The following PXDNL variants were observed in gnomAD, a reference collection of about 807,000 sequenced individuals.
PXDNL encodes peroxidasin like.
PXDNL carries 145 observed loss-of-function variants against 150.8 expected under a neutral mutation model. The observed-to-expected ratio is 0.96, with a 90% CI of 0.84 to 1.10. The LOEUF (loss-of-function observed/expected upper bound fraction) is 1.10. PXDNL is among the 50% of genes least tolerant of loss of function. The pLI, the probability that PXDNL is intolerant of heterozygous loss-of-function variation, is 0.00. For synonymous variants in PXDNL, 757 were observed against 725.7 expected, an observed-to-expected ratio of 1.04 and a Z score of -0.69; for missense variants, 2,087 against 1,873.9, an observed-to-expected ratio of 1.11 and a Z score of -2.10.
rs947949807 is a variant in PXDNL, at chr8:51,695,068, A to G, written c.165-40308T>C. On this transcript the variant is annotated intron_variant, in intron 1 of 22. Transcript: ENST00000356297. Reference sequence around the variant, plus strand: ...AACTATGTTTATTAGAAATGAAAGGATGGATGCTAAGGGCTGGATACCTTC... The same window carrying G: ...AACTATGTTTATTAGAAATGAAAGGGTGGATGCTAAGGGCTGGATACCTTC... 2.0e-5 allele frequency among the ~76,000 whole-genome samples: 3 copies of G among 152,230 alleles called. No individual in the cohort carries two copies. The East Asian group carries it at 5.8e-4, about 29-fold the overall frequency.
intron 4 of PXDNL, among the ~76,000 whole-genome samples, chr8:51,533,772 C>T (rs1811971053): frequency 6.6e-6 from 1 of 150,896 alleles, no homozygotes; most frequent in East Asian, 2.0e-4. Flanking sequence ...CAGACGGAGT[C>T]TCGTTCACTC....
chr8:51,475,121 A>G lies in PXDNL; in HGVS notation c.545T>C (p.Leu182Pro), dbSNP rs1563428232. ...LKRLRLDSNA[L>P]VCDCDLMWLG... ...CCACATCAGATCACAGTCACAAACC[A>G]GGGCGTTGGAATCCAGACGCCTAGG... Residue 182 changes from leucine (L) to proline (P), a missense_variant, in exon 7 of 23, where the codon CTG becomes CCG. Coordinates refer to ENST00000356297, the MANE Select transcript of PXDNL (RefSeq NM_144651.5). 6.2e-7 allele frequency: 1 copy of G among 1,613,158 alleles called. No individual in the cohort carries two copies. The highest frequency in any genetic ancestry group is 8.5e-7 in the Non-Finnish European group (1 of 1,179,216).
chr8:51,559,348 A>G (rs1323278456), intron 3 of PXDNL, among the ~76,000 whole-genome samples: 1 of 67,976 alleles, frequency 1.5e-5, no homozygotes, highest in Non-Finnish European at 3.5e-5. Flanking sequence ...CCCCCCCGCC[A>G]CCTTCTTTCC....
At chr8:51,321,010 C>A (rs1378085599) in intron 21 of PXDNL, 113 bp from the exon 22 acceptor site, 3 of 759,116 alleles carry the variant, frequency 4.0e-6, no homozygotes, top group African/African-American at 3.5e-5. Flanking sequence ...ACCTAGAAGG[C>A]AAAAGAAACT....
intron 1 of PXDNL, among the ~76,000 whole-genome samples, chr8:51,710,223 A>T (rs1243956814): frequency 1.3e-5 from 2 of 152,246 alleles, no homozygotes; most frequent in African/African-American, 4.8e-5. Context: ...TCTAGATTTT[A>T]TATTGTATCA....
chr8:51,490,702 C>T (rs1222845173), intron 5 of PXDNL, among the ~76,000 whole-genome samples: 1 of 143,112 alleles, frequency 7.0e-6, no homozygotes, highest in Non-Finnish European at 1.5e-5. Flanking sequence ...AAATAGTTCA[C>T]TCATCAGTAT....
At chr8:51,799,315 G>A (rs866659532) in intron 1 of PXDNL, among the ~76,000 whole-genome samples, 1 of 152,266 alleles carries the variant, frequency 6.6e-6, no homozygotes, top group Middle Eastern at 3.4e-3. Context: ...GGGTTGATAG[G>A]TGCAGCGAGT....
At chr8:51,660,072 T>C (rs1392317331) in intron 1 of PXDNL, among the ~76,000 whole-genome samples, 2 of 151,946 alleles carry the variant, frequency 1.3e-5, no homozygotes, top group Non-Finnish European at 2.9e-5. Context: ...GTACTTTTAG[T>C]AGAGACAGGG....
chr8:51,376,823 A>C (rs1405242518), intron 17 of PXDNL, among the ~76,000 whole-genome samples: 1 of 150,994 alleles, frequency 6.6e-6, no homozygotes, highest in Non-Finnish European at 1.5e-5. Flanking sequence ...GGTTCACGCC[A>C]TTCTCCTGCC....
intron 3 of PXDNL, among the ~76,000 whole-genome samples, chr8:51,589,392 G>T (rs1254689117): frequency 1.3e-5 from 2 of 152,142 alleles, no homozygotes; most frequent in African/African-American, 4.8e-5. Flanking sequence ...ACCCTAGATT[G>T]CCATGAACAG....
intron 2 of PXDNL, among the ~76,000 whole-genome samples, chr8:51,616,638 A>G (rs749863148): frequency 9.9e-5 from 15 of 152,190 alleles, no homozygotes; most frequent in African/African-American, 3.6e-4. Flanking sequence ...ACATGTGTAT[A>G]CTTTCAGTAC....
Position 51,426,639 on chromosome 8 carries a change from A to C in PXDNL, c.1638+7T>G, listed in dbSNP as rs764253098. 6.7e-7 allele frequency: 1 copy of C among 1,481,938 alleles called. No individual in the cohort carries two copies. Among genetic ancestry groups the C allele is most frequent in the East Asian group, 2.3e-5 (1 of 44,026 alleles). 91.8% of individuals were successfully genotyped at this position (1,481,938 alleles called of 1,614,324 possible). Reference sequence around the variant, plus strand: ...TAATATTACTGTACTTTTAGTTGAGATCTTACCTTATTCCAAGTAATTATG... The same window carrying C: ...TAATATTACTGTACTTTTAGTTGAGCTCTTACCTTATTCCAAGTAATTATG... On this transcript the variant is annotated splice_region_variant and intron_variant, in intron 13 of 22. Coordinates refer to ENST00000356297, the MANE Select transcript of PXDNL (RefSeq NM_144651.5).
chr8:51,751,885 T>C (rs1186972456), intron 1 of PXDNL, among the ~76,000 whole-genome samples: 3 of 152,220 alleles, frequency 2.0e-5, no homozygotes, highest in Non-Finnish European at 2.9e-5. Context: ...AACTCAGGCA[T>C]AGAAGTGTTC....
chr8:51,421,401 A>G lies in PXDNL; in HGVS notation c.1795+2174T>C, dbSNP rs144788664. 3.3e-5 allele frequency among the ~76,000 whole-genome samples: 5 copies of G among 152,294 alleles called. No homozygotes were observed. The East Asian group carries it at 9.6e-4, about 29-fold the overall frequency. On this transcript the variant is annotated intron_variant, in intron 14 of 22. Coordinates refer to ENST00000356297, the MANE Select transcript of PXDNL (RefSeq NM_144651.5). ...TAGCAGAGTGAGACTAAGATTTTGT[A>G]ACGTTAAGAAACTTTAGGTCAGGCG...
chr8:51,673,123 G>C (rs139499717), intron 1 of PXDNL, among the ~76,000 whole-genome samples: 1 of 152,274 alleles, frequency 6.6e-6, no homozygotes, highest in African/African-American at 2.4e-5. Context: ...TTTTACACAT[G>C]TATGTTTAAC....
At chr8:51,566,513 TG>T (rs1342985981) in intron 3 of PXDNL, among the ~76,000 whole-genome samples, 1 of 151,810 alleles carries the variant, frequency 6.6e-6, no homozygotes, top group Non-Finnish European at 1.5e-5. Flanking sequence ...TTGTGTGGTT[TG>T]TTACATTGTG....
intron 9 of PXDNL, 135 bp from the exon 10 acceptor site, chr8:51,453,920 T>TATATAC (rs1809869084): frequency 1.9e-5 from 14 of 754,134 alleles, no homozygotes; most frequent in Non-Finnish European, 2.7e-5. Context: ...TATATATATA[T>TATATAC]ACACATTTAA....
At chr8:51,360,343 C>A (rs552616404) in intron 19 of PXDNL, among the ~76,000 whole-genome samples, 2 of 152,284 alleles carry the variant, frequency 1.3e-5, no homozygotes, top group Non-Finnish European at 1.5e-5. Context: ...ATATACACAC[C>A]TGTACATGCC....
chr8:51,562,345 T>G (rs1478586277), intron 3 of PXDNL, among the ~76,000 whole-genome samples: 1 of 151,954 alleles, frequency 6.6e-6, no homozygotes. Context: ...CCATGCTTCA[T>G]TAAATTTATT....
Sources: allele counts gnomAD v4.1 joint callset (sites outside exome capture counted in the v4.1 genomes callset), GRCh38; gene constraint gnomAD v4.1.1; transcripts MANE v1.5; gene names NCBI Gene and HGNC (gene_info 2026-07-23, HGNC 2026-07-21).